The following STOX1 variants were observed in gnomAD, a reference collection of about 807,000 sequenced individuals.
STOX1 encodes storkhead box 1.
Under a neutral mutation model 74.8 loss-of-function variants are expected in STOX1, and 57 were observed. The ratio of observed to expected loss-of-function variants is 0.76; its 90% CI spans 0.62 to 0.95. The LOEUF (loss-of-function observed/expected upper bound fraction) is 0.95. Ranked by LOEUF, STOX1 falls within the 40% of genes least tolerant of loss-of-function variation. The probability of loss-of-function intolerance (pLI) is 0.00; values close to 1 mark genes in which losing one functional copy is unlikely to be tolerated. For missense variants in STOX1, 1,010 were observed against 1,117.0 expected (o/e 0.90, Z 1.37); for synonymous variants, 375 against 401.3 (o/e 0.93, Z 0.78).
intron 1 of STOX1, among the ~76,000 whole-genome samples, chr10:68,861,346 A>AT (rs1426459182): frequency 6.6e-6 from 1 of 152,152 alleles, no homozygotes; most frequent in East Asian, 1.9e-4. Context: ...CTGCAGCAGG[A>AT]ACATGTCCTT....
chr10:68,884,348 C>T lies in STOX1; in HGVS notation c.552C>T (p.Tyr184=), dbSNP rs1381824013. ...ERKIYHTGEG[Y]FIVTPQTYFI... ...AGATTTATCACACTGGAGAAGGATACTTCATAGTTACTCCTCAGACTTACT... is the reference window on the plus strand; with the variant it reads ...AGATTTATCACACTGGAGAAGGATATTTCATAGTTACTCCTCAGACTTACT... Residue 184 remains tyrosine, a synonymous_variant, in exon 3 of 4, where the codon TAC becomes TAT. Coordinates refer to ENST00000298596, the MANE Select transcript of STOX1 (RefSeq NM_152709.5). 6.2e-7 allele frequency: 1 copy of T among 1,614,086 alleles called. No individual in the cohort carries two copies. The highest frequency in any genetic ancestry group is 8.5e-7 in the Non-Finnish European group (1 of 1,179,970).
chr10:68,887,950 G>T (rs1306724138), intron 3 of STOX1, among the ~76,000 whole-genome samples: 1 of 152,102 alleles, frequency 6.6e-6, no homozygotes, highest in African/African-American at 2.4e-5. Flanking sequence ...TATAAAAATA[G>T]TATAGCCATG....
intron 1 of STOX1, among the ~76,000 whole-genome samples, chr10:68,853,772 G>A (rs924335455): frequency 4.0e-5 from 6 of 151,086 alleles, no homozygotes; most frequent in African/African-American, 9.8e-5. Flanking sequence ...TGCAACCTCC[G>A]CCTCCTGGGT....
At chr10:68,879,442 C>T (rs1349296620) in intron 1 of STOX1, among the ~76,000 whole-genome samples, 1 of 152,088 alleles carries the variant, frequency 6.6e-6, no homozygotes, top group African/African-American at 2.4e-5. Flanking sequence ...GTAGCATCTT[C>T]CTCATTTGTA....
At chr10:68,887,784 G>A (rs1441523744) in intron 3 of STOX1, among the ~76,000 whole-genome samples, 10 of 151,090 alleles carry the variant, frequency 6.6e-5, no homozygotes, top group Admixed American at 2.6e-4. Flanking sequence ...TAGTAGAGAC[G>A]GGGTTTTGCC....
chr10:68,837,987 T>C (rs1182954630), intron 1 of STOX1, among the ~76,000 whole-genome samples: 1 of 152,206 alleles, frequency 6.6e-6, no homozygotes, highest in Non-Finnish European at 1.5e-5. Flanking sequence ...TTCACCTCCT[T>C]AGTTAAGTTT....
chr10:68,842,706 AT>A (rs1839725258), intron 1 of STOX1, among the ~76,000 whole-genome samples: 1 of 145,524 alleles, frequency 6.9e-6, no homozygotes, highest in African/African-American at 2.6e-5. Context: ...CACCTGGCTC[AT>A]TTTTTGTATT....
chr10:68,873,172 G>A (rs541282500), intron 1 of STOX1, among the ~76,000 whole-genome samples: 1 of 151,860 alleles, frequency 6.6e-6, no homozygotes, highest in African/African-American at 2.4e-5. Flanking sequence ...ACTGTGCCCA[G>A]CCACATTCAG....
intron 1 of STOX1, among the ~76,000 whole-genome samples, chr10:68,877,446 G>A (rs866428562): frequency 6.6e-6 from 1 of 152,108 alleles, no homozygotes; most frequent in Non-Finnish European, 1.5e-5. Flanking sequence ...TCAAGTTTTT[G>A]CTCTTATTTT....
At chr10:68,836,858 A>C (rs1839568239) in intron 1 of STOX1, among the ~76,000 whole-genome samples, 2 of 152,226 alleles carry the variant, frequency 1.3e-5, no homozygotes, top group South Asian at 2.1e-4. Flanking sequence ...AGAAGCTCAC[A>C]TCAAAGTTGC....
chr10:68,848,018 A>G (rs1028907312), intron 1 of STOX1, among the ~76,000 whole-genome samples: 1 of 152,218 alleles, frequency 6.6e-6, no homozygotes, highest in Non-Finnish European at 1.5e-5. Context: ...GGCGTGAGCC[A>G]CTGTGCCTGG....
At chr10:68,855,161 C>T (rs1840089844) in intron 1 of STOX1, among the ~76,000 whole-genome samples, 1 of 151,028 alleles carries the variant, frequency 6.6e-6, no homozygotes, top group South Asian at 2.1e-4. Flanking sequence ...TGCTCTGTCA[C>T]CCAGGCTGGA....
At chr10:68,860,828 T>C (rs1233781070) in intron 1 of STOX1, among the ~76,000 whole-genome samples, 1 of 152,060 alleles carries the variant, frequency 6.6e-6, no homozygotes, top group African/African-American at 2.4e-5. Flanking sequence ...TAGAAGGCTT[T>C]GGCAGTGTAT....
chr10:68,829,890 C>T (rs1004150545), intron 1 of STOX1, among the ~76,000 whole-genome samples: 15 of 152,098 alleles, frequency 9.9e-5, no homozygotes, highest in African/African-American at 3.4e-4. Context: ...CAGACAGGCT[C>T]GATGAAAAAC....
At position 68,858,049 on chromosome 10, in the gene STOX1, A is replaced by G. The variant is rs550879570; in HGVS notation, c.311-23909A>G. Among the ~76,000 whole-genome samples the G allele has an allele frequency of 1.1e-4, 17 of 152,198 alleles. No individual in the cohort carries two copies. The South Asian group carries it at 3.5e-3, about 32-fold the overall frequency. The stretch of plus-strand genomic sequence containing the variant: ...CTCCTTTTCTAGACTGAAACCCAAG[A>G]GAATCTGAGTTCTTGTCTAGAATGG... On this transcript the variant is annotated intron_variant, in intron 1 of 3. Coordinates refer to ENST00000298596, the MANE Select transcript of STOX1 (RefSeq NM_152709.5).
intron 1 of STOX1, among the ~76,000 whole-genome samples, chr10:68,828,628 C>A (rs1345833019): frequency 6.6e-6 from 1 of 152,186 alleles, no homozygotes; most frequent in Admixed American, 6.5e-5. Context: ...GTCTAGGCTC[C>A]ACCGGGGCGG....
At chr10:68,879,472 G>T (rs918715302) in intron 1 of STOX1, among the ~76,000 whole-genome samples, 1 of 151,878 alleles carries the variant, frequency 6.6e-6, no homozygotes, top group African/African-American at 2.4e-5. Context: ...CTCTACTTAC[G>T]CCCTTGATAC....
chr10:68,882,074 G>A lies in STOX1; in HGVS notation c.427G>A (p.Glu143Lys). The change falls in exon 2 of 4, where the codon GAA becomes AAA. Residue 143 changes from glutamate (E) to lysine (K), a missense_variant. By Grantham distance (56) the Glu-to-Lys change is moderately conservative. Coordinates refer to ENST00000298596, the MANE Select transcript of STOX1 (RefSeq NM_152709.5). ...MNTAQIVVTQ[E>K]SLLERLMKHY... Reference sequence around the variant, plus strand: ...TACAGCTCAGATTGTAGTAACGCAGGAATCACTTTTGGAGCGTTTGATGAA... The same window carrying A: ...TACAGCTCAGATTGTAGTAACGCAGAAATCACTTTTGGAGCGTTTGATGAA... The A allele has an allele frequency of 6.2e-7, 1 of 1,613,884 alleles. No homozygotes were observed. The highest frequency in any genetic ancestry group is 8.5e-7 in the Non-Finnish European group (1 of 1,179,908).
intron 1 of STOX1, among the ~76,000 whole-genome samples, chr10:68,829,212 C>T (rs1340262822): frequency 6.6e-6 from 1 of 152,226 alleles, no homozygotes; most frequent in African/African-American, 2.4e-5. Context: ...CGGTGGCGCT[C>T]GCCTGTAATC....
Sources: gnomAD v4.1 joint callset for allele counts (sites outside exome capture counted in the v4.1 genomes callset) on GRCh38, gnomAD v4.1.1 for gene constraint, MANE v1.5 for transcripts, NCBI Gene and HGNC (gene_info 2026-07-23, HGNC 2026-07-21) for gene names.